HUNK: variants seen among roughly 807,000 people sequenced by gnomAD.
The protein encoded by HUNK is hormonally up-regulated neu tumor-associated kinase.
Under a neutral mutation model 61.0 loss-of-function variants are expected in HUNK, and 21 were observed. The ratio of observed to expected loss-of-function variants is 0.34; its 90% confidence interval spans 0.24 to 0.50. The LOEUF is 0.50. Ranked by LOEUF, HUNK falls within the 20% of genes least tolerant of loss-of-function variation. HUNK has a pLI of 0.98. For missense variants in HUNK, 772 were observed against 945.7 expected (o/e 0.82, Z 2.41); for synonymous variants, 371 against 386.1 (o/e 0.96, Z 0.46).
chr21:31,940,613 A>G (rs1485839920), intron 3 of HUNK, among the ~76,000 whole-genome samples: 2 of 152,172 alleles, frequency 1.3e-5, no homozygotes, highest in South Asian at 2.1e-4. Context: ...TTTTAATACA[A>G]TCTTTATTCA....
At chr21:31,977,159 T>G (rs2053056238) in intron 7 of HUNK, among the ~76,000 whole-genome samples, 2 of 152,344 alleles carry the variant, frequency 1.3e-5, no homozygotes, top group African/African-American at 4.8e-5. Flanking sequence ...ATAGCGTACA[T>G]GATATATTCG....
At chr21:31,935,331 A>G (rs1001441711) in intron 2 of HUNK, among the ~76,000 whole-genome samples, 8 of 152,052 alleles carry the variant, frequency 5.3e-5, no homozygotes, top group African/African-American at 1.9e-4. Context: ...CCTTCCCCCT[A>G]CTCACATTTT....
At chr21:31,995,656 G>C (rs986300264) in intron 9 of HUNK, 112 bp from the exon 10 acceptor site, 9 of 845,682 alleles carry the variant, frequency 1.1e-5, no homozygotes, top group African/African-American at 3.4e-5. Flanking sequence ...TGAGAGCATA[G>C]AGTATTGAAA....
At chr21:31,990,546 T>TTTATTTAC (rs1555881858) in intron 9 of HUNK, among the ~76,000 whole-genome samples, 1 of 151,546 alleles carries the variant, frequency 6.6e-6, no homozygotes, top group African/African-American at 2.4e-5. Flanking sequence ...TATTTATTTA[T>TTTATTTAC]TTATTTATTT....
intron 1 of HUNK, among the ~76,000 whole-genome samples, chr21:31,876,326 T>TG (rs1257575032): frequency 6.6e-6 from 1 of 152,278 alleles, no homozygotes; most frequent in East Asian, 1.9e-4. Context: ...TTGCGGGCAT[T>TG]GGGAGAAATC....
intron 8 of HUNK, among the ~76,000 whole-genome samples, chr21:31,988,233 G>A (rs2053147101): frequency 1.3e-5 from 2 of 152,072 alleles, no homozygotes; most frequent in South Asian, 4.1e-4. Flanking sequence ...CTGAAAAAGA[G>A]AACCCCCCAG....
At chr21:31,876,994 C>A (rs934676343) in intron 1 of HUNK, among the ~76,000 whole-genome samples, 5 of 151,960 alleles carry the variant, frequency 3.3e-5, no homozygotes, top group African/African-American at 1.2e-4. Context: ...GGAATGAAGT[C>A]ATTAATACTG....
At chr21:31,882,275 G>T (rs2052313960) in intron 1 of HUNK, among the ~76,000 whole-genome samples, 1 of 152,148 alleles carries the variant, frequency 6.6e-6, no homozygotes, top group Non-Finnish European at 1.5e-5. Flanking sequence ...GTTCTTTTTG[G>T]TTTTTAATCA....
chr21:31,943,651 T>C (rs969432048), intron 3 of HUNK, among the ~76,000 whole-genome samples: 1 of 152,212 alleles, frequency 6.6e-6, no homozygotes, highest in Admixed American at 6.5e-5. Context: ...TCTGCTAAGT[T>C]TTCTTCTTGA....
At chr21:31,974,749 C>T (rs2053036985) in intron 7 of HUNK, 32 bp downstream of exon 7, 4 of 1,554,706 alleles carry the variant, frequency 2.6e-6, no homozygotes, top group African/African-American at 2.8e-5. Context: ...ATCGTCTCTG[C>T]TGTCTGTGGA....
chr21:31,995,795 A>C lies in HUNK; in HGVS notation c.1333A>C (p.Arg445=). The C allele has an allele frequency of 6.2e-7, 1 of 1,614,128 alleles. No individual in the cohort carries two copies. The highest frequency in any genetic ancestry group is 1.1e-5 in the South Asian group (1 of 91,072). The change falls in exon 10 of 11, where the codon AGA becomes CGA. Residue 445 remains arginine (R), a synonymous_variant. Transcript: ENST00000270112. Reference sequence around the variant, plus strand: ...TAAAAAGCCCAAAGAACAAGAAAAAAGAGGGGATTTTCTTCATCGACCATT... The same window carrying C: ...TAAAAAGCCCAAAGAACAAGAAAAACGAGGGGATTTTCTTCATCGACCATT... ...QDKKPKEQEK[R]GDFLHRPFSK... is the part of the protein sequence containing the mutation.
At position 31,990,113 on chromosome 21, in the gene HUNK, A is replaced by T; in HGVS notation, c.1258-16A>T. On this transcript the variant is annotated splice_polypyrimidine_tract_variant and intron_variant, in intron 8 of 10. Coordinates refer to ENST00000270112, the MANE Select transcript of HUNK (RefSeq NM_014586.2). ...GTGCAGATTCTCGAATTGTTGAAGG[A>T]TGTTCCTTTTCACAGGCCTCTCTGG... 3 of 1,612,890 alleles carry T rather than the reference A, an allele frequency of 1.9e-6. No individual in the cohort carries two copies. The highest frequency in any genetic ancestry group is 1.7e-6 in the Non-Finnish European group (2 of 1,178,896).
chr21:31,874,590 C>T (rs2052245733), intron 1 of HUNK, among the ~76,000 whole-genome samples: 1 of 149,802 alleles, frequency 6.7e-6, no homozygotes, highest in East Asian at 2.0e-4. Flanking sequence ...CCCACCCCTG[C>T]CCCCTCATCA....
At chr21:31,951,223 ATG>A (rs1445929443) in intron 4 of HUNK, among the ~76,000 whole-genome samples, 1 of 151,058 alleles carries the variant, frequency 6.6e-6, no homozygotes, top group African/African-American at 2.4e-5. Flanking sequence ...TAACATATAG[ATG>A]TGTGTGTCTC....
At chr21:31,877,006 A>G (rs1385307234) in intron 1 of HUNK, among the ~76,000 whole-genome samples, 1 of 152,098 alleles carries the variant, frequency 6.6e-6, no homozygotes. Flanking sequence ...TTAATACTGT[A>G]GTGAGAAGTA....
chr21:31,929,617 A>G (rs1448808329), intron 2 of HUNK, among the ~76,000 whole-genome samples: 1 of 152,224 alleles, frequency 6.6e-6, no homozygotes, highest in Non-Finnish European at 1.5e-5. Flanking sequence ...CAATCAAACT[A>G]TACAGATAAA....
chr21:31,925,447 AG>A (rs1361161261), intron 2 of HUNK, among the ~76,000 whole-genome samples: 1 of 152,230 alleles, frequency 6.6e-6, no homozygotes, highest in Non-Finnish European at 1.5e-5. Context: ...TCATGAGACC[AG>A]TTGTTTAGGT....
chr21:31,890,711 T>C (rs2052381667), intron 1 of HUNK, among the ~76,000 whole-genome samples: 1 of 152,210 alleles, frequency 6.6e-6, no homozygotes, highest in Non-Finnish European at 1.5e-5. Flanking sequence ...TTCCTTAACA[T>C]AAATACTTGG....
chr21:31,947,893 G>A (rs1601392729), intron 4 of HUNK, among the ~76,000 whole-genome samples: 2 of 152,088 alleles, frequency 1.3e-5, no homozygotes, highest in East Asian at 3.9e-4. Flanking sequence ...TTGATCCGGA[G>A]TATTTCTGGA....
Sources: allele counts gnomAD v4.1 joint callset (sites outside exome capture counted in the v4.1 genomes callset), GRCh38; gene constraint gnomAD v4.1.1; transcripts MANE v1.5; gene names NCBI Gene and HGNC (gene_info 2026-07-23, HGNC 2026-07-21).